LMOD1: variants seen among roughly 807,000 people sequenced by gnomAD.
The protein encoded by LMOD1 is leiomodin-1.
LMOD1 carries 8 observed loss-of-function variants against 36.5 expected under a neutral mutation model. The observed-to-expected ratio is 0.22, with a 90% confidence interval of 0.13 to 0.40. LMOD1 has a LOEUF of 0.40. Ranked by LOEUF, LMOD1 falls within the 10% of genes least tolerant of loss-of-function variation. The pLI, the probability that LMOD1 is intolerant of heterozygous loss-of-function variation, is 1.00. For missense variants in LMOD1, 630 were observed against 751.1 expected, an observed-to-expected ratio of 0.84 and a Z score of 1.88; for synonymous variants, 284 against 288.7, an observed-to-expected ratio of 0.98 and a Z score of 0.17.
At chr1:201,924,660 G>GA (rs1224538245) in intron 1 of LMOD1, among the ~76,000 whole-genome samples, 4 of 122,850 alleles carry the variant, frequency 3.3e-5, no homozygotes, top group Non-Finnish European at 5.1e-5. Flanking sequence ...GAGAAAGAAA[G>GA]AAAAAAAAGA....
intron 1 of LMOD1, among the ~76,000 whole-genome samples, chr1:201,902,720 C>T (rs541930791): frequency 2.6e-5 from 4 of 152,118 alleles, no homozygotes; most frequent in Non-Finnish European, 4.4e-5. Flanking sequence ...GCTGGGATTA[C>T]AGGCGTGAGC....
At chr1:201,916,178 G>C (rs538211518) in intron 1 of LMOD1, among the ~76,000 whole-genome samples, 1 of 151,888 alleles carries the variant, frequency 6.6e-6, no homozygotes, top group Admixed American at 6.6e-5. Flanking sequence ...TTGGCCTCTC[G>C]GAGTGCTGAG....
In LMOD1 at chr1:201,942,398, AGTG is replaced by A. The variant is rs1682132717; in HGVS notation, c.261+3679_261+3681del. On this transcript the variant is annotated intron_variant, in intron 1 of 2. Coordinates refer to ENST00000367288, the MANE Select transcript of LMOD1 (RefSeq NM_012134.3). ...GAGTCCTGGAAGACTACCTGGAGGA[AGTG>A]GTACCTGAGACAGGCAGAACAAATA... 3.9e-5 allele frequency among the ~76,000 whole-genome samples: 6 copies of A among 152,330 alleles called. No homozygotes were observed. The South Asian group carries it at 1.0e-3, about 26-fold the overall frequency.
At chr1:201,908,461 T>C (rs1487591367) in intron 1 of LMOD1, among the ~76,000 whole-genome samples, 1 of 152,272 alleles carries the variant, frequency 6.6e-6, no homozygotes, top group South Asian at 2.1e-4. Flanking sequence ...AACATACTTT[T>C]GGGAATGTTC....
intron 1 of LMOD1, among the ~76,000 whole-genome samples, chr1:201,942,328 A>G (rs1305234607): frequency 6.6e-6 from 1 of 151,736 alleles, no homozygotes; most frequent in South Asian, 2.1e-4. Context: ...GGGCTTTGGT[A>G]CAGACTGGTA....
intron 1 of LMOD1, among the ~76,000 whole-genome samples, chr1:201,945,599 T>C (rs1682196930): frequency 6.6e-6 from 1 of 152,196 alleles, no homozygotes; most frequent in Admixed American, 6.5e-5. Flanking sequence ...ATGATCCATG[T>C]GCCGTGAGAT....
chr1:201,904,314 G>T (rs193146040), intron 1 of LMOD1, among the ~76,000 whole-genome samples: 1 of 152,124 alleles, frequency 6.6e-6, no homozygotes. Context: ...GAGTTCAAGC[G>T]ATTCTCCTGC....
At chr1:201,901,492 A>C (rs1416806587) in intron 1 of LMOD1, among the ~76,000 whole-genome samples, 1 of 125,200 alleles carries the variant, frequency 8.0e-6, no homozygotes, top group African/African-American at 3.0e-5. Flanking sequence ...ACAAGAGCGA[A>C]ACTCTGTCTC....
Position 201,899,819 on chromosome 1 carries a change from G to T in LMOD1, c.1194C>A (p.His398Gln). ...TITSLNLDSNHITGKGILAIF... is the reference protein window; with the variant it reads ...TITSLNLDSNQITGKGILAIF... Reference sequence around the variant, plus strand: ...TGGCCAGGATGCCTTTGCCTGTGATGTGGTTGGAGTCCAGGTTGAGGCTGG... The same window carrying T: ...TGGCCAGGATGCCTTTGCCTGTGATTTGGTTGGAGTCCAGGTTGAGGCTGG... The change falls in exon 2 of 3, where the codon CAC becomes CAA. Residue 398 changes from histidine (H) to glutamine (Q), a missense_variant. Physicochemically the swap from His to Gln is conservative, Grantham distance 24 (BLOSUM62 0). Coordinates refer to ENST00000367288, the MANE Select transcript of LMOD1 (RefSeq NM_012134.3). The surrounding 1 kb of genome is among the most constrained non-coding windows in gnomAD (Gnocchi z 6.3). 1 of 1,614,070 alleles carries T rather than the reference G, an allele frequency of 6.2e-7. No individual in the cohort carries two copies. Among genetic ancestry groups the T allele is most frequent in the Non-Finnish European group, 8.5e-7 (1 of 1,179,910 alleles).
intron 1 of LMOD1, among the ~76,000 whole-genome samples, chr1:201,938,121 T>C (rs1325958488): frequency 6.6e-6 from 1 of 150,818 alleles, no homozygotes; most frequent in Non-Finnish European, 1.5e-5. Flanking sequence ...TGACTAAGCA[T>C]TGTAATTTCC....
chr1:201,905,234 G>A (rs28376978), intron 1 of LMOD1, among the ~76,000 whole-genome samples: 2,275 of 152,274 alleles, frequency 0.015, 48 homozygotes, highest in African/African-American at 0.049. Context: ...TCTGAAAGCC[G>A]GTACTGACCT....
chr1:201,944,974 C>T (rs779664847), intron 1 of LMOD1, among the ~76,000 whole-genome samples: 136 of 152,260 alleles, frequency 8.9e-4, no homozygotes, highest in Non-Finnish European at 1.6e-3. Flanking sequence ...AAGCTCTGTG[C>T]CTCAGTTTCC....
At chr1:201,908,396 CAAGT>C (rs1332773865) in intron 1 of LMOD1, among the ~76,000 whole-genome samples, 1 of 152,168 alleles carries the variant, frequency 6.6e-6, no homozygotes, top group Non-Finnish European at 1.5e-5. Context: ...AAGAAAATGA[CAAGT>C]GAGGATGGAG....
chr1:201,898,636 G>C (rs1041326169), intron 2 of LMOD1, among the ~76,000 whole-genome samples: 1 of 152,158 alleles, frequency 6.6e-6, no homozygotes, highest in Non-Finnish European at 1.5e-5. Flanking sequence ...TGATGTTGTG[G>C]GGGTTGGGTA....
chr1:201,906,614 C>T (rs1191317420), intron 1 of LMOD1, among the ~76,000 whole-genome samples: 1 of 152,242 alleles, frequency 6.6e-6, no homozygotes, highest in African/African-American at 2.4e-5. Context: ...GGCAGCAGGG[C>T]CCAGGGCTGG....
At chr1:201,912,158 G>A (rs531649249) in intron 1 of LMOD1, among the ~76,000 whole-genome samples, 3 of 152,324 alleles carry the variant, frequency 2.0e-5, no homozygotes, top group Non-Finnish European at 4.4e-5. Flanking sequence ...AGGAGTGGAA[G>A]TTTGGTAAAT....
rs988541479 is a variant in LMOD1 at position 201,899,123 on chromosome 1, A to G, written c.1776+114T>C. ...AGTCCCCTATGGGCCCTGGGAGTCT[A>G]TATCATCTGCAGCCGACATAAGCTC... On this transcript the variant is annotated intron_variant, in intron 2 of 2. Coordinates refer to ENST00000367288, the MANE Select transcript of LMOD1 (RefSeq NM_012134.3). This position sits in a 1 kb window ranked among gnomAD's most constrained non-coding sequence, Gnocchi z 6.3. 1.5e-5 allele frequency: 15 copies of G among 969,866 alleles called. No individual in the cohort carries two copies. In the Admixed American group the frequency reaches 1.7e-4, roughly 11 times the overall value. 60.1% of individuals were successfully genotyped at this position (969,866 alleles called of 1,614,324 possible).
intron 1 of LMOD1, among the ~76,000 whole-genome samples, chr1:201,920,149 T>A (rs1298886583): frequency 7.5e-6 from 1 of 132,590 alleles, no homozygotes; most frequent in East Asian, 2.4e-4. Flanking sequence ...AACCTCAACC[T>A]CCGGGGTTCA....
At chr1:201,923,584 C>T (rs942285151) in intron 1 of LMOD1, among the ~76,000 whole-genome samples, 1 of 152,026 alleles carries the variant, frequency 6.6e-6, no homozygotes, top group Admixed American at 6.6e-5. Flanking sequence ...TAATTGTAGC[C>T]GGGCACAGTG....
Sources: allele counts gnomAD v4.1 joint callset (sites outside exome capture counted in the v4.1 genomes callset), GRCh38; gene constraint gnomAD v4.1.1; non-coding constraint Gnocchi (gnomAD v3.1); transcripts MANE v1.5; gene names NCBI Gene and HGNC (gene_info 2026-07-23, HGNC 2026-07-21).